NRG1: variants seen among roughly 807,000 people sequenced by gnomAD.
NRG1 encodes pro-neuregulin-1, membrane-bound isoform.
A neutral mutation model predicts 63.8 loss-of-function variants in NRG1; 18 were observed. The observed-to-expected ratio is 0.28, with a 90% CI of 0.19 to 0.42. NRG1 has a LOEUF of 0.42. Among genes scored for constraint, NRG1 ranks in the 10% least tolerant of loss-of-function variants. The pLI is 1.00. For synonymous variants in NRG1, 302 were observed against 301.3 expected (o/e 1.00, Z -0.02); for missense variants, 762 against 814.7 (o/e 0.94, Z 0.79).
chr8:31,744,794 T>C (rs1476616107), intron 1 of NRG1, among the ~76,000 whole-genome samples: 1 of 151,972 alleles, frequency 6.6e-6, no homozygotes, highest in Non-Finnish European at 1.5e-5. Flanking sequence ...TTTTTGGTAT[T>C]TTCCTTGTAA....
chr8:31,867,771 T>C (rs1348773674), intron 1 of NRG1, among the ~76,000 whole-genome samples: 1 of 152,196 alleles, frequency 6.6e-6, no homozygotes, highest in South Asian at 2.1e-4. Flanking sequence ...TTAAGAATTG[T>C]ATTTGATTAT....
At chr8:31,821,007 A>G (rs1476450421) in intron 1 of NRG1, among the ~76,000 whole-genome samples, 3 of 152,196 alleles carry the variant, frequency 2.0e-5, no homozygotes, top group Admixed American at 6.5e-5. Flanking sequence ...ATAAAATGGC[A>G]TAGTATTTGC....
intron 1 of NRG1, among the ~76,000 whole-genome samples, chr8:32,151,222 A>G (rs1837467819): frequency 6.6e-6 from 1 of 152,100 alleles, no homozygotes; most frequent in Admixed American, 6.6e-5. Flanking sequence ...ATTGAGAAAT[A>G]TTATTTCTTG....
intron 1 of NRG1, among the ~76,000 whole-genome samples, chr8:31,901,029 GA>G: frequency 6.6e-6 from 1 of 152,140 alleles, no homozygotes; most frequent in Non-Finnish European, 1.5e-5. Flanking sequence ...AAAGGTTTTA[GA>G]AATATTTTCT....
intron 1 of NRG1, among the ~76,000 whole-genome samples, chr8:32,086,008 A>G (rs1280946474): frequency 6.6e-6 from 1 of 152,190 alleles, no homozygotes; most frequent in Non-Finnish European, 1.5e-5. Flanking sequence ...AGAACCCTTC[A>G]GGTAGACTTC....
At chr8:32,282,901 AAAAG>A (rs1853050739) in intron 1 of NRG1, among the ~76,000 whole-genome samples, 1 of 152,136 alleles carries the variant, frequency 6.6e-6, no homozygotes, top group Non-Finnish European at 1.5e-5. Context: ...GACAGGTTAA[AAAAG>A]AAAACTAAAA....
chr8:32,451,322 G>A (rs1483283845), intron 1 of NRG1, among the ~76,000 whole-genome samples: 1 of 152,040 alleles, frequency 6.6e-6, no homozygotes, highest in African/African-American at 2.4e-5. Context: ...CATGACATAG[G>A]CTCCACTCAT....
At chr8:32,422,117 C>T (rs1467802924) in intron 1 of NRG1, among the ~76,000 whole-genome samples, 1 of 151,986 alleles carries the variant, frequency 6.6e-6, no homozygotes, top group Non-Finnish European at 1.5e-5. Flanking sequence ...CAGAACTGCA[C>T]TTATACCCAT....
chr8:32,197,640 G>C (rs527412089), intron 1 of NRG1, among the ~76,000 whole-genome samples: 1 of 152,132 alleles, frequency 6.6e-6, no homozygotes, highest in Non-Finnish European at 1.5e-5. Flanking sequence ...ATAAACATTT[G>C]GTGTACCTAG....
chr8:32,743,513 G>A (rs1257444327), intron 7 of NRG1, among the ~76,000 whole-genome samples: 1 of 145,960 alleles, frequency 6.9e-6, no homozygotes, highest in Admixed American at 7.0e-5. Context: ...ATAAATATGT[G>A]TTTGTATATA....
At chr8:31,753,729 A>C (rs1816704003) in intron 1 of NRG1, among the ~76,000 whole-genome samples, 1 of 152,090 alleles carries the variant, frequency 6.6e-6, no homozygotes, top group South Asian at 2.1e-4. Context: ...AATTTTTCTC[A>C]TATATCAGGG....
At chr8:32,439,832 G>A (rs1264201743) in intron 1 of NRG1, among the ~76,000 whole-genome samples, 4 of 147,906 alleles carry the variant, frequency 2.7e-5, no homozygotes, top group Non-Finnish European at 5.9e-5. Context: ...GTACAGTGGT[G>A]TGATCATGGC....
intron 1 of NRG1, among the ~76,000 whole-genome samples, chr8:32,185,551 T>C (rs1346587337): frequency 6.6e-6 from 1 of 152,156 alleles, no homozygotes; most frequent in African/African-American, 2.4e-5. Context: ...AAAGAAGGAA[T>C]AATTGTTATG....
chr8:31,807,447 G>T (rs1320458938), intron 1 of NRG1, among the ~76,000 whole-genome samples: 2 of 152,220 alleles, frequency 1.3e-5, no homozygotes, highest in South Asian at 2.1e-4. Context: ...TATCCTGGGG[G>T]TATCACAGTG....
intron 5 of NRG1, among the ~76,000 whole-genome samples, chr8:32,725,296 A>T (rs1821800497): frequency 6.6e-6 from 1 of 151,998 alleles, no homozygotes; most frequent in African/African-American, 2.4e-5. Context: ...CTTGAGGTTC[A>T]GAGTTCCTCT....
At chr8:31,900,237 A>G (rs767087672) in intron 1 of NRG1, among the ~76,000 whole-genome samples, 54 of 152,324 alleles carry the variant, frequency 3.5e-4, no homozygotes, top group Non-Finnish European at 6.8e-4. Context: ...TAACATTCAC[A>G]CTGTCATCCT....
intron 2 of NRG1, among the ~76,000 whole-genome samples, chr8:32,601,724 GT>G (rs544368306): frequency 4.0e-5 from 6 of 151,336 alleles, no homozygotes; most frequent in Non-Finnish European, 5.9e-5. Context: ...CTTTAATTAT[GT>G]TTTTTTATCA....
At chr8:31,766,406 G>A (rs1452622274) in intron 1 of NRG1, among the ~76,000 whole-genome samples, 1 of 152,116 alleles carries the variant, frequency 6.6e-6, no homozygotes, top group African/African-American at 2.4e-5. Context: ...AAAGAGAAAA[G>A]TGTATATGTT....
chr8:32,765,358 G>A (rs1000746374), exon 12 of NRG1: 1 of 152,076 alleles, frequency 6.6e-6, no homozygotes, highest in African/African-American at 2.4e-5. Context: ...AGCATATTAC[G>A]GCACAAAAAG....
Sources: gnomAD v4.1 joint callset for allele counts (sites outside exome capture counted in the v4.1 genomes callset) on GRCh38, gnomAD v4.1.1 for gene constraint, MANE v1.5 for transcripts, NCBI Gene and HGNC (gene_info 2026-07-23, HGNC 2026-07-21) for gene names.